The following DIP2C variants were observed in gnomAD, a reference collection of about 807,000 sequenced individuals.
The protein encoded by DIP2C is DIP2 acetate--CoA ligase C (putative).
Under a neutral mutation model 192.4 loss-of-function variants are expected in DIP2C, and 33 were observed. The ratio of observed to expected loss-of-function variants is 0.17; its 90% confidence interval spans 0.13 to 0.23. The LOEUF (loss-of-function observed/expected upper bound fraction) is 0.23. Among genes scored for constraint, DIP2C ranks in the 10% least tolerant of loss-of-function variants. The pLI is 1.00. For synonymous variants in DIP2C, 979 were observed against 864.1 expected (o/e 1.13, Z -2.33); for missense variants, 1,537 against 2,110.1 (o/e 0.73, Z 5.32).
At chr10:317,859 A>G (rs990763022) in intron 31 of DIP2C, among the ~76,000 whole-genome samples, 6 of 152,210 alleles carry the variant, frequency 3.9e-5, no homozygotes, top group Non-Finnish European at 8.8e-5. Flanking sequence ...TAGAATTCGA[A>G]TGTTCCTCTT....
At chr10:501,826 C>T (rs1845254517) in intron 1 of DIP2C, among the ~76,000 whole-genome samples, 1 of 152,156 alleles carries the variant, frequency 6.6e-6, no homozygotes, top group Non-Finnish European at 1.5e-5. Flanking sequence ...GAACACAAAA[C>T]ATAAAACCTC....
intron 1 of DIP2C, among the ~76,000 whole-genome samples, chr10:557,072 G>A (rs576799294): frequency 1.1e-3 from 169 of 152,368 alleles, no homozygotes; most frequent in Non-Finnish European, 1.1e-3. Flanking sequence ...AAGCTGGTCA[G>A]TGTGGCCCAC....
chr10:640,692 A>T (rs61833010), intron 1 of DIP2C, among the ~76,000 whole-genome samples: 98 of 41,622 alleles, frequency 2.4e-3, no homozygotes, highest in Non-Finnish European at 5.2e-3. Context: ...CGCGCGGGGA[A>T]GAGGCTGCGC....
At chr10:478,976 G>A (rs546371260) in intron 2 of DIP2C, among the ~76,000 whole-genome samples, 21 of 152,258 alleles carry the variant, frequency 1.4e-4, no homozygotes, top group South Asian at 6.2e-4. Context: ...AGGGGCAAGC[G>A]CTCTGGGCTC....
intron 1 of DIP2C, among the ~76,000 whole-genome samples, chr10:618,396 CCT>C (rs1333621813): frequency 5.3e-5 from 8 of 152,244 alleles, no homozygotes; most frequent in Non-Finnish European, 8.8e-5. Context: ...GTCCCAGGCC[CCT>C]GAGCCGGACG....
chr10:452,001 C>A (rs1280042837), intron 3 of DIP2C, among the ~76,000 whole-genome samples: 1 of 152,126 alleles, frequency 6.6e-6, no homozygotes, highest in Non-Finnish European at 1.5e-5. Context: ...CAGGGCGACA[C>A]AAGGAGACCA....
rs561571818 is a variant in DIP2C at position 446,305 on chromosome 10, C to T, written c.269-5309G>A. Among the ~76,000 whole-genome samples the T allele has an allele frequency of 2.2e-4, 33 of 149,856 alleles. 1 individual carries two copies. The South Asian group carries it at 4.3e-3, about 19-fold the overall frequency. On this transcript the variant is annotated intron_variant, in intron 3 of 36. Transcript: ENST00000280886. Reference sequence around the variant, plus strand: ...ACTGGGCATCTATATACATCTGTTGCGAAGAGTCTATCTTCCACTGGACAT... The same window carrying T: ...ACTGGGCATCTATATACATCTGTTGTGAAGAGTCTATCTTCCACTGGACAT...
intron 1 of DIP2C, among the ~76,000 whole-genome samples, chr10:559,407 G>A (rs1404276418): frequency 5.9e-5 from 9 of 151,976 alleles, no homozygotes; most frequent in Middle Eastern, 3.2e-3. Context: ...AGCCACAGGG[G>A]TCTTTTGTTG....
At chr10:383,132 T>C (rs924404302) in intron 16 of DIP2C, among the ~76,000 whole-genome samples, 2 of 152,262 alleles carry the variant, frequency 1.3e-5, no homozygotes, top group Non-Finnish European at 2.9e-5. Context: ...GGCACAATTA[T>C]CAAGAACATA....
At chr10:334,962 A>G (rs1456215482) in intron 29 of DIP2C, among the ~76,000 whole-genome samples, 1 of 152,204 alleles carries the variant, frequency 6.6e-6, no homozygotes, top group Non-Finnish European at 1.5e-5. Flanking sequence ...CTGCCCCAAA[A>G]AACCCCCAAA....
At chr10:370,172 G>T in intron 17 of DIP2C, 1 of 542,058 alleles carries the variant, frequency 1.8e-6, no homozygotes, top group Non-Finnish European at 2.4e-6. Context: ...TTTACGCTGT[G>T]CCATTGTGGC....
At chr10:387,063 A>G (rs1423929673) in intron 14 of DIP2C, among the ~76,000 whole-genome samples, 1 of 152,208 alleles carries the variant, frequency 6.6e-6, no homozygotes, top group African/African-American at 2.4e-5. Flanking sequence ...GAGTAACACA[A>G]TAGCAGGCCC....
At chr10:551,882 TC>T (rs1241198583) in intron 1 of DIP2C, among the ~76,000 whole-genome samples, 1 of 152,208 alleles carries the variant, frequency 6.6e-6, no homozygotes, top group Non-Finnish European at 1.5e-5. Flanking sequence ...ACGGCCCATT[TC>T]GTTCAGATGC....
At chr10:531,209 C>T (rs182416443) in intron 1 of DIP2C, among the ~76,000 whole-genome samples, 8 of 152,248 alleles carry the variant, frequency 5.3e-5, no homozygotes, top group African/African-American at 9.6e-5. Context: ...CTGTGACTTT[C>T]CCCGTAAACA....
intron 1 of DIP2C, among the ~76,000 whole-genome samples, chr10:614,367 A>T (rs1227588102): frequency 1.3e-5 from 2 of 152,226 alleles, no homozygotes; most frequent in Non-Finnish European, 2.9e-5. Context: ...AGGCCTGGAC[A>T]TGCACCTCTT....
intron 1 of DIP2C, among the ~76,000 whole-genome samples, chr10:576,708 G>C (rs1850184082): frequency 6.6e-6 from 1 of 152,136 alleles, no homozygotes; most frequent in South Asian, 2.1e-4. Flanking sequence ...AGGAGTTGGA[G>C]ACCAGCCTGG....
intron 1 of DIP2C, among the ~76,000 whole-genome samples, chr10:530,067 G>A (rs1049826335): frequency 6.6e-6 from 1 of 152,234 alleles, no homozygotes; most frequent in Non-Finnish European, 1.5e-5. Context: ...CTCTGCACAC[G>A]ATGCCGAGTC....
chr10:398,075 T>A (rs1964135733), intron 10 of DIP2C, among the ~76,000 whole-genome samples: 3 of 152,230 alleles, frequency 2.0e-5, no homozygotes, highest in Non-Finnish European at 4.4e-5. Flanking sequence ...CAAAATATAT[T>A]TCTTTGACAT....
chr10:362,644 C>A lies in DIP2C; in HGVS notation c.2640G>T (p.Val880=). The change falls in exon 22 of 37, where the codon GTG becomes GTT. Residue 880 remains valine, a synonymous_variant. Coordinates refer to ENST00000280886, the MANE Select transcript of DIP2C (RefSeq NM_014974.3). The part of the protein sequence containing the change: ...HQVGVYCLAL[V]PANTLPKTPL... ...GGGTTTTGGGGAGGGTGTTTGCTGGCACCAAGGCCAGGCAATAAACTCCAA... is the reference window on the plus strand; with the variant it reads ...GGGTTTTGGGGAGGGTGTTTGCTGGAACCAAGGCCAGGCAATAAACTCCAA... The A allele has an allele frequency of 6.2e-7, 1 of 1,613,896 alleles. No individual in the cohort carries two copies. Among genetic ancestry groups the A allele is most frequent in the Non-Finnish European group, 8.5e-7 (1 of 1,179,896 alleles).
Sources: gnomAD v4.1 joint callset for allele counts (sites outside exome capture counted in the v4.1 genomes callset) on GRCh38, gnomAD v4.1.1 for gene constraint, MANE v1.5 for transcripts, NCBI Gene and HGNC (gene_info 2026-07-23, HGNC 2026-07-21) for gene names.